Variants in AOPEP observed in about 807,000 individuals in gnomAD.
AOPEP encodes aminopeptidase O.
A neutral mutation model predicts 98.1 loss-of-function variants in AOPEP; 77 were observed. The observed-to-expected ratio is 0.78, with a 90% CI of 0.65 to 0.95. AOPEP has a LOEUF of 0.95. Among genes scored for constraint, AOPEP ranks in the 40% least tolerant of loss-of-function variants. AOPEP has a pLI of 0.00. For synonymous variants in AOPEP, 346 were observed against 365.3 expected (o/e 0.95, Z 0.60); for missense variants, 1,024 against 1,024.7 (o/e 1.00, Z 0.01).
chr9:94,796,235 C>T (rs1846900911), intron 4 of AOPEP, among the ~76,000 whole-genome samples: 1 of 151,868 alleles, frequency 6.6e-6, no homozygotes, highest in African/African-American at 2.4e-5. Flanking sequence ...TCCCATGCCC[C>T]CTTCCATGTC....
intron 13 of AOPEP, among the ~76,000 whole-genome samples, chr9:95,054,696 C>A (rs898806253): frequency 6.6e-6 from 1 of 152,166 alleles, no homozygotes; most frequent in Middle Eastern, 3.2e-3. Context: ...TGAACTGTAA[C>A]TATTAGAATT....
chr9:94,908,239 G>A (rs2051459906), intron 5 of AOPEP, among the ~76,000 whole-genome samples: 1 of 152,146 alleles, frequency 6.6e-6, no homozygotes, highest in South Asian at 2.1e-4. Context: ...CCTTGGTGTG[G>A]CAGGCCACCG....
chr9:95,023,420 C>T (rs1206916731), intron 13 of AOPEP, among the ~76,000 whole-genome samples: 9 of 152,344 alleles, frequency 5.9e-5, no homozygotes, highest in South Asian at 4.1e-4. Context: ...GTGCAGAGGA[C>T]GCCTGCCTCC....
At chr9:94,797,845 G>C (rs571937294) in intron 4 of AOPEP, among the ~76,000 whole-genome samples, 2 of 152,068 alleles carry the variant, frequency 1.3e-5, no homozygotes, top group South Asian at 4.2e-4. Flanking sequence ...TGGGATTACA[G>C]GCATGCACCA....
chr9:94,766,379 T>C (rs911141070), intron 2 of AOPEP, among the ~76,000 whole-genome samples: 1 of 152,064 alleles, frequency 6.6e-6, no homozygotes, highest in Non-Finnish European at 1.5e-5. Context: ...TCTACTAAAA[T>C]ACAAAAAATT....
chr9:95,145,968 AT>A, the AOPEP span, among the ~76,000 whole-genome samples: 25 of 95,332 alleles, frequency 2.6e-4, no homozygotes, highest in Admixed American at 2.2e-4. Flanking sequence ...CTGATTCTTT[AT>A]TTTTTTTTAT....
At chr9:94,821,047 C>T (rs1162205482) in intron 5 of AOPEP, among the ~76,000 whole-genome samples, 2 of 152,166 alleles carry the variant, frequency 1.3e-5, no homozygotes, top group African/African-American at 2.4e-5. Context: ...TTTTCACTAA[C>T]TTTGGAAGTT....
chr9:94,952,519 CAT>C (rs1289486659), intron 7 of AOPEP, among the ~76,000 whole-genome samples: 4 of 152,310 alleles, frequency 2.6e-5, no homozygotes, highest in South Asian at 2.1e-4. Context: ...TGGACTTGTA[CAT>C]GTGTGTGTGC....
chr9:94,949,810 C>G (rs2057968477), intron 7 of AOPEP, among the ~76,000 whole-genome samples: 1 of 152,252 alleles, frequency 6.6e-6, no homozygotes, highest in African/African-American at 2.4e-5. Flanking sequence ...CCTGTGCTTT[C>G]ATCATTCTGC....
Position 94,928,435 on chromosome 9 carries a change from A to C in AOPEP, c.1565A>C (p.Tyr522Ser), listed in dbSNP as rs1056026703. The C allele has an allele frequency of 3.2e-6, 5 of 1,548,110 alleles. No individual in the cohort carries two copies. The highest frequency in any genetic ancestry group is 8.7e-7 in the Non-Finnish European group (1 of 1,146,842). The change falls in exon 7 of 17, where the codon TAT becomes TCT. Residue 522 changes from tyrosine (Y) to serine (S), a missense_variant. Physicochemically the swap from Tyr to Ser is moderately radical, Grantham distance 144 (BLOSUM62 -2). This residue lies in a region of AOPEP where 566 missense variants were observed against 551.7 expected (regional missense o/e 1.03). Transcript: ENST00000375315. Reference protein sequence around the residue: ...FWATAQQLAPYEAREQQELRA... With the variant: ...FWATAQQLAPSEAREQQELRA... ...TCTGTGGCTGAGCAGCTGGCCCCCTATGAGGCCCGGGAGCAGCAGGAGCTG... is the reference window on the plus strand; with the variant it reads ...TCTGTGGCTGAGCAGCTGGCCCCCTCTGAGGCCCGGGAGCAGCAGGAGCTG...
intron 5 of AOPEP, among the ~76,000 whole-genome samples, chr9:94,813,880 C>G (rs1851152842): frequency 6.6e-6 from 1 of 152,170 alleles, no homozygotes; most frequent in South Asian, 2.1e-4. Context: ...GGACCTCCAC[C>G]CTGGCTGTGT....
At chr9:95,078,537 C>T (rs543791936) in intron 14 of AOPEP, among the ~76,000 whole-genome samples, 16 of 152,330 alleles carry the variant, frequency 1.1e-4, no homozygotes, top group African/African-American at 3.8e-4. Context: ...CGGGACCCTC[C>T]CTAAAAGCTG....
At chr9:95,132,505 T>C in the AOPEP span, among the ~76,000 whole-genome samples, 1 of 152,170 alleles carries the variant, frequency 6.6e-6, no homozygotes, top group African/African-American at 2.4e-5. Flanking sequence ...CAAGACCATC[T>C]GCTTTTGAAA....
the AOPEP span, among the ~76,000 whole-genome samples, chr9:95,144,003 C>A: frequency 1.3e-5 from 2 of 152,138 alleles, no homozygotes; most frequent in Non-Finnish European, 2.9e-5. Flanking sequence ...AAGACACCAG[C>A]CAATTGTCAA....
At chr9:95,150,062 G>A in the AOPEP span, 1 of 1,614,128 alleles carries the variant, frequency 6.2e-7, no homozygotes, top group Non-Finnish European at 8.5e-7. Flanking sequence ...ACTCGTGACA[G>A]GGACGCCACT....
the AOPEP span, among the ~76,000 whole-genome samples, chr9:95,143,199 G>T: frequency 1.8e-4 from 28 of 152,316 alleles, no homozygotes; most frequent in East Asian, 2.7e-3. Flanking sequence ...GAGATGCATG[G>T]GGCCAGGCCT....
At chr9:95,118,527 C>T in the AOPEP span, among the ~76,000 whole-genome samples, 1 of 152,232 alleles carries the variant, frequency 6.6e-6, no homozygotes, top group Non-Finnish European at 1.5e-5. Flanking sequence ...AGTGAAGACA[C>T]ATTTCTATCA....
chr9:95,101,606 G>A, the AOPEP span: 6 of 1,419,496 alleles, frequency 4.2e-6, no homozygotes, highest in South Asian at 3.5e-5. Context: ...GCCCAGCGAG[G>A]GCACTTACTC....
the AOPEP span, among the ~76,000 whole-genome samples, chr9:95,116,170 TAAC>T: frequency 6.6e-6 from 1 of 152,256 alleles, no homozygotes. Flanking sequence ...ACTGAGACAC[TAAC>T]AACTCCAGTA....
Sources: allele counts gnomAD v4.1 joint callset (sites outside exome capture counted in the v4.1 genomes callset), GRCh38; gene constraint gnomAD v4.1.1; regional missense constraint gnomAD v4.1.1; transcripts MANE v1.5; gene names NCBI Gene and HGNC (gene_info 2026-07-23, HGNC 2026-07-21).